Variants in EXOC4 observed in about 807,000 individuals in gnomAD.
EXOC4 encodes the protein SEC8-like 1.
Under a neutral mutation model 107.2 loss-of-function variants are expected in EXOC4, and 71 were observed. The observed-to-expected ratio is 0.66, with a 90% CI of 0.55 to 0.81. EXOC4 has a LOEUF of 0.81. Ranked by LOEUF, EXOC4 falls within the 30% of genes least tolerant of loss-of-function variation. The pLI, the probability that EXOC4 is intolerant of heterozygous loss-of-function variation, is 0.00. For synonymous variants in EXOC4, 456 were observed against 441.2 expected (o/e 1.03, Z -0.42); for missense variants, 1,108 against 1,189.6 (o/e 0.93, Z 1.01).
chr7:133,853,685 A>T (rs1462392949), intron 11 of EXOC4, among the ~76,000 whole-genome samples: 2 of 152,060 alleles, frequency 1.3e-5, no homozygotes, highest in African/African-American at 4.8e-5. Flanking sequence ...CAGTGGGGAG[A>T]CGTCCTGCTT....
At chr7:133,580,035 A>T (rs1284098359) in intron 9 of EXOC4, among the ~76,000 whole-genome samples, 2 of 152,218 alleles carry the variant, frequency 1.3e-5, no homozygotes, top group East Asian at 1.9e-4. Context: ...ATTGATTCAT[A>T]TAAGTGAAAT....
chr7:133,740,816 C>T (rs1033388452), intron 10 of EXOC4, among the ~76,000 whole-genome samples: 2 of 152,128 alleles, frequency 1.3e-5, no homozygotes, highest in Non-Finnish European at 2.9e-5. Flanking sequence ...AGATAGTAGG[C>T]ATAGGTTCTC....
chr7:133,879,639 C>T (rs2116439802), intron 11 of EXOC4, among the ~76,000 whole-genome samples: 1 of 152,160 alleles, frequency 6.6e-6, no homozygotes, highest in Non-Finnish European at 1.5e-5. Flanking sequence ...CGTGTAATTA[C>T]CTGTAATAAT....
intron 10 of EXOC4, among the ~76,000 whole-genome samples, chr7:133,757,771 T>C (rs1795949805): frequency 6.6e-6 from 1 of 152,236 alleles, no homozygotes; most frequent in Non-Finnish European, 1.5e-5. Flanking sequence ...ACTGTGTGGG[T>C]GCTTCTGTGT....
At chr7:134,021,272 T>G (rs558294859) in intron 17 of EXOC4, among the ~76,000 whole-genome samples, 3 of 152,342 alleles carry the variant, frequency 2.0e-5, no homozygotes, top group East Asian at 3.9e-4. Context: ...CCTGTGTGTA[T>G]GGATGAATTA....
chr7:133,651,760 C>T (rs1803160066), intron 10 of EXOC4, among the ~76,000 whole-genome samples: 1 of 152,206 alleles, frequency 6.6e-6, no homozygotes, highest in Admixed American at 6.5e-5. Flanking sequence ...TCTCGACTCA[C>T]TGCAACCTCT....
At chr7:133,445,431 A>C (rs1798196145) in intron 7 of EXOC4, among the ~76,000 whole-genome samples, 1 of 152,114 alleles carries the variant, frequency 6.6e-6, no homozygotes, top group Non-Finnish European at 1.5e-5. Flanking sequence ...TGACGGGAAA[A>C]CACAACTCAA....
chr7:133,554,670 C>T (rs938935771), intron 9 of EXOC4, among the ~76,000 whole-genome samples: 27 of 152,156 alleles, frequency 1.8e-4, no homozygotes, highest in African/African-American at 6.5e-4. Flanking sequence ...ATCTTGTAGC[C>T]TCCTGCACGT....
intron 3 of EXOC4, among the ~76,000 whole-genome samples, chr7:133,296,200 C>T (rs1221632535): frequency 6.6e-6 from 1 of 152,090 alleles, no homozygotes; most frequent in Non-Finnish European, 1.5e-5. Context: ...TTGATAACTT[C>T]TGTTGTTTGT....
intron 17 of EXOC4, among the ~76,000 whole-genome samples, chr7:134,011,809 A>G (rs1464951639): frequency 6.6e-6 from 1 of 151,594 alleles, no homozygotes; most frequent in Non-Finnish European, 1.5e-5. Context: ...AAGAGTAGGC[A>G]TGGGGAGGGG....
chr7:133,388,920 G>T (rs561064424), intron 7 of EXOC4, among the ~76,000 whole-genome samples: 35 of 152,190 alleles, frequency 2.3e-4, no homozygotes, highest in Admixed American at 6.5e-4. Flanking sequence ...CCACAGTGTG[G>T]CTGGCTTTGG....
intron 11 of EXOC4, among the ~76,000 whole-genome samples, chr7:133,858,960 T>C (rs1317160113): frequency 6.6e-6 from 1 of 152,138 alleles, no homozygotes; most frequent in African/African-American, 2.4e-5. Flanking sequence ...CAGGTCTCTT[T>C]GTTGCCATCT....
intron 14 of EXOC4, among the ~76,000 whole-genome samples, chr7:133,988,154 G>A (rs993919961): frequency 2.6e-4 from 40 of 152,184 alleles, no homozygotes; most frequent in Non-Finnish European, 3.7e-4. Context: ...CTGACAACTC[G>A]TGAAATTGAA....
At chr7:133,448,254 T>C (rs1946301) in intron 7 of EXOC4, among the ~76,000 whole-genome samples, 117,666 of 152,044 alleles carry the variant, frequency 0.77, 46,162 homozygotes, top group East Asian at 0.95. Flanking sequence ...GTCCTATATA[T>C]TGTGACTTCC....
chr7:133,859,339 A>C (rs1306221488), intron 11 of EXOC4, among the ~76,000 whole-genome samples: 1 of 152,124 alleles, frequency 6.6e-6, no homozygotes, highest in Non-Finnish European at 1.5e-5. Context: ...GAATATGACA[A>C]CCATCTAAAG....
At chr7:133,513,982 C>T (rs746965931) in intron 9 of EXOC4, among the ~76,000 whole-genome samples, 6 of 152,092 alleles carry the variant, frequency 3.9e-5, no homozygotes, top group South Asian at 4.2e-4. Context: ...TGGCTCAGGG[C>T]GCTATATCAT....
intron 9 of EXOC4, among the ~76,000 whole-genome samples, chr7:133,519,646 A>G (rs1024622972): frequency 4.6e-5 from 7 of 152,186 alleles, no homozygotes; most frequent in Admixed American, 1.3e-4. Flanking sequence ...TAGCCTTTTT[A>G]ATAGAAAAGA....
At chr7:133,985,255 G>A (rs901758289) in intron 14 of EXOC4, among the ~76,000 whole-genome samples, 20 of 152,096 alleles carry the variant, frequency 1.3e-4, no homozygotes, top group African/African-American at 4.8e-4. Flanking sequence ...AAGAAAGTAG[G>A]TCTCTGCCTC....
chr7:133,369,948 G>C (rs564271577), intron 6 of EXOC4, among the ~76,000 whole-genome samples: 23 of 152,078 alleles, frequency 1.5e-4, no homozygotes, highest in African/African-American at 4.8e-4. Context: ...GGGATTACAG[G>C]CATGCACCAT....
Sources: gnomAD v4.1 joint callset for allele counts (sites outside exome capture counted in the v4.1 genomes callset) on GRCh38, gnomAD v4.1.1 for gene constraint, MANE v1.5 for transcripts, NCBI Gene and HGNC (gene_info 2026-07-23, HGNC 2026-07-21) for gene names.